Variants in MALRD1 observed in about 807,000 individuals in gnomAD.
MALRD1 encodes the protein MAM and LDL receptor class A domain containing 1.
Under a neutral mutation model 242.1 loss-of-function variants are expected in MALRD1, and 247 were observed. The ratio of observed to expected loss-of-function variants is 1.02; its 90% confidence interval spans 0.92 to 1.13. MALRD1 has a LOEUF of 1.13. Ranked by LOEUF, MALRD1 falls within the 50% of genes most tolerant of loss-of-function variation. The pLI is 0.00. For synonymous variants in MALRD1, 995 were observed against 866.6 expected (o/e 1.15, Z -2.60); for missense variants, 2,989 against 2,533.1 (o/e 1.18, Z -3.86).
rs545346501 is a variant in MALRD1 at position 19,477,874 on chromosome 10, T to C, written c.5030-13643T>C. On this transcript the variant is annotated intron_variant, in intron 29 of 39. Coordinates refer to ENST00000454679, the MANE Select transcript of MALRD1 (RefSeq NM_001142308.3). ...GAGTCTCTAACTGGCCTTCACCATG[T>C]TGTCTGTTCATTATTGTACACATGG... Among the ~76,000 whole-genome samples the C allele has an allele frequency of 7.1e-4, 108 of 152,308 alleles. 1 individual carries two copies. The highest frequency in any genetic ancestry group is 1.1e-3 in the Non-Finnish European group (77 of 68,032).
chr10:19,557,675 A>G (rs1250408899), intron 32 of MALRD1, among the ~76,000 whole-genome samples: 2 of 152,050 alleles, frequency 1.3e-5, no homozygotes, highest in East Asian at 1.9e-4. Context: ...TGATTACTAT[A>G]GCCTTATATG....
At chr10:19,536,414 A>G (rs932723170) in intron 32 of MALRD1, among the ~76,000 whole-genome samples, 8 of 148,066 alleles carry the variant, frequency 5.4e-5, no homozygotes, top group African/African-American at 1.5e-4. Context: ...GGTTTGTTTC[A>G]TTCTTCCAGC....
chr10:19,608,711 G>A (rs1252688668), intron 35 of MALRD1, among the ~76,000 whole-genome samples: 1 of 152,038 alleles, frequency 6.6e-6, no homozygotes, highest in Non-Finnish European at 1.5e-5. Context: ...TGAGATATAT[G>A]TTGTAAGAAT....
chr10:19,339,016 A>G (rs1409253545), intron 24 of MALRD1, among the ~76,000 whole-genome samples: 1 of 151,046 alleles, frequency 6.6e-6, no homozygotes, highest in Non-Finnish European at 1.5e-5. Flanking sequence ...AAGTCCTACT[A>G]TTAGCACGTC....
Position 19,300,959 on chromosome 10 carries a change from A to T in MALRD1, c.3419+17778A>T, listed in dbSNP as rs192887577. 2.0e-5 allele frequency among the ~76,000 whole-genome samples: 3 copies of T among 152,190 alleles called. No homozygotes were observed. In the East Asian group the frequency reaches 5.8e-4, roughly 30 times the overall value. ...GGGAGAAAATATTTGCAAACTCTGCATTGGCAAAGGCCTAACTTCCAGAAT... is the reference window on the plus strand; with the variant it reads ...GGGAGAAAATATTTGCAAACTCTGCTTTGGCAAAGGCCTAACTTCCAGAAT... On this transcript the variant is annotated intron_variant, in intron 21 of 39. Coordinates refer to ENST00000454679, the MANE Select transcript of MALRD1 (RefSeq NM_001142308.3).
chr10:19,709,009 A>T (rs1833991135), intron 38 of MALRD1, among the ~76,000 whole-genome samples: 1 of 119,448 alleles, frequency 8.4e-6, no homozygotes, highest in Non-Finnish European at 1.9e-5. Context: ...AGAAACATGG[A>T]TAAGCCTTTT....
intron 1 of MALRD1, among the ~76,000 whole-genome samples, chr10:19,066,079 T>G (rs1834970709): frequency 6.6e-6 from 1 of 152,172 alleles, no homozygotes; most frequent in African/African-American, 2.4e-5. Flanking sequence ...AATGATGTAT[T>G]TGCATATAAC....
chr10:19,539,286 C>T (rs1277981532), intron 32 of MALRD1, among the ~76,000 whole-genome samples: 1 of 152,094 alleles, frequency 6.6e-6, no homozygotes. Flanking sequence ...TGTCCAAGGT[C>T]ATAGAGCTGG....
At chr10:19,287,763 C>T (rs981847256) in intron 21 of MALRD1, among the ~76,000 whole-genome samples, 1 of 152,042 alleles carries the variant, frequency 6.6e-6, no homozygotes, top group Admixed American at 6.6e-5. Flanking sequence ...GTGAAGACAA[C>T]TCACCTAACA....
intron 18 of MALRD1, among the ~76,000 whole-genome samples, chr10:19,237,980 A>G (rs1313165603): frequency 6.0e-5 from 4 of 66,604 alleles, no homozygotes; most frequent in East Asian, 4.8e-4. Flanking sequence ...GTTATATATA[A>G]TTATATGTAA....
At chr10:19,692,184 T>C (rs1029331881) in intron 36 of MALRD1, 98 bp from the exon 37 acceptor site, 2 of 950,226 alleles carry the variant, frequency 2.1e-6, no homozygotes, top group Non-Finnish European at 3.0e-6. Context: ...TAGTATCTCG[T>C]TATTTATTGA....
At chr10:19,462,505 G>A (rs1447204030) in intron 29 of MALRD1, among the ~76,000 whole-genome samples, 1 of 152,188 alleles carries the variant, frequency 6.6e-6, no homozygotes, top group African/African-American at 2.4e-5. Flanking sequence ...CCTTCACTCA[G>A]GTTCTGTGAG....
intron 38 of MALRD1, among the ~76,000 whole-genome samples, chr10:19,718,520 C>A (rs138209226): frequency 2.0e-5 from 3 of 152,160 alleles, no homozygotes; most frequent in Non-Finnish European, 2.9e-5. Flanking sequence ...GGCGATGTGG[C>A]GCTAAGCCTT....
chr10:19,613,072 AT>A (rs1838975127), intron 35 of MALRD1, among the ~76,000 whole-genome samples: 1 of 152,006 alleles, frequency 6.6e-6, no homozygotes, highest in South Asian at 2.1e-4. Context: ...GATTATCATC[AT>A]TTATCTGTTC....
intron 14 of MALRD1, among the ~76,000 whole-genome samples, chr10:19,176,342 C>T (rs1262876602): frequency 7.0e-6 from 1 of 142,276 alleles, no homozygotes; most frequent in Non-Finnish European, 1.5e-5. Context: ...ATTTTTCATT[C>T]GAGAGAGTGT....
At chr10:19,048,413 T>C (rs1246927815), upstream of MALRD1, among the ~76,000 whole-genome samples, 1 of 152,204 alleles carries the variant, frequency 6.6e-6, no homozygotes, top group Admixed American at 6.5e-5. Flanking sequence ...GTTTTCTATT[T>C]CATAATAATG....
chr10:19,729,304 C>T (rs1313516109), intron 38 of MALRD1, among the ~76,000 whole-genome samples: 1 of 152,134 alleles, frequency 6.6e-6, no homozygotes, highest in Non-Finnish European at 1.5e-5. Flanking sequence ...AGTAAGAGCC[C>T]CCTTCTTGCT....
In MALRD1 at chr10:19,073,076, G is replaced by A. The variant is rs181289139; in HGVS notation, c.340+6217G>A. On this transcript the variant is annotated intron_variant, in intron 2 of 39. Coordinates refer to ENST00000454679, the MANE Select transcript of MALRD1 (RefSeq NM_001142308.3). ...ATTACAGGCATGTGCCACCATGCCCGGCTAATCCTTATATTTTTATTAGAG... is the reference window on the plus strand; with the variant it reads ...ATTACAGGCATGTGCCACCATGCCCAGCTAATCCTTATATTTTTATTAGAG... Among the ~76,000 whole-genome samples, 769 of 151,780 alleles carry A rather than the reference G, an allele frequency of 5.1e-3. 7 individuals are homozygous for A. The highest frequency in any genetic ancestry group is 0.018 in the African/African-American group (743 of 41,394).
intron 28 of MALRD1, among the ~76,000 whole-genome samples, chr10:19,402,314 A>G (rs1374260390): frequency 6.6e-6 from 1 of 152,166 alleles, no homozygotes; most frequent in Non-Finnish European, 1.5e-5. Context: ...CCCAAATCTC[A>G]CCTTGAATTG....
Sources: allele counts gnomAD v4.1 joint callset (sites outside exome capture counted in the v4.1 genomes callset), GRCh38; gene constraint gnomAD v4.1.1; transcripts MANE v1.5; gene names NCBI Gene and HGNC (gene_info 2026-07-23, HGNC 2026-07-21).